Variants in FAM120A observed in about 807,000 individuals in gnomAD.
FAM120A encodes constitutive coactivator of PPAR-gamma-like protein 1.
FAM120A carries 15 observed loss-of-function variants against 109.7 expected under a neutral mutation model. That is an observed-to-expected ratio of 0.14 (90% CI 0.09 to 0.21). The LOEUF is 0.21. Among genes scored for constraint, FAM120A ranks in the 10% least tolerant of loss-of-function variants. The probability of loss-of-function intolerance (pLI) is 1.00; values close to 1 mark genes in which losing one functional copy is unlikely to be tolerated. For missense variants in FAM120A, 899 were observed against 1,439.3 expected, an observed-to-expected ratio of 0.62 and a Z score of 6.07; for synonymous variants, 493 against 572.8, an observed-to-expected ratio of 0.86 and a Z score of 1.99.
chr9:93,531,144 GA>G (rs1265077418), intron 9 of FAM120A: 1 of 152,186 alleles, frequency 6.6e-6, no homozygotes, highest in East Asian at 1.9e-4. Context: ...GTAATGAAGA[GA>G]ATTTGCAAAG....
chr9:93,517,548 G>C (rs1304018865), intron 7 of FAM120A, among the ~76,000 whole-genome samples: 1 of 152,178 alleles, frequency 6.6e-6, no homozygotes, highest in Non-Finnish European at 1.5e-5. Flanking sequence ...GTTGTAAAAC[G>C]TGACTCATGT....
intron 1 of FAM120A, among the ~76,000 whole-genome samples, chr9:93,462,059 A>G (rs1857817211): frequency 6.6e-6 from 1 of 152,228 alleles, no homozygotes. Context: ...TGGCAGATAC[A>G]AACTATTACA....
chr9:93,494,527 G>A (rs903928998), intron 3 of FAM120A, among the ~76,000 whole-genome samples: 12 of 152,148 alleles, frequency 7.9e-5, no homozygotes, highest in Non-Finnish European at 1.6e-4. Flanking sequence ...TACTGTCTTT[G>A]CCTGCTCCGG....
rs1564361726 is a variant in FAM120A, at chr9:93,558,497, G to A, written c.2669-84G>A. ...CCTCCATGGCAGCTGGAGGAGGCAG[G>A]GGCCACTCTGCCTGAATACCCAGCA... On this transcript the variant is annotated intron_variant, in intron 14 of 17. Transcript: ENST00000277165. 4 of 1,519,448 alleles carry A rather than the reference G, an allele frequency of 2.6e-6. No individual in the cohort carries two copies. The East Asian group carries it at 6.8e-5, about 26-fold the overall frequency. The allele number at this position is 1,519,448 out of a possible 1,614,324, so 94.1% of individuals were successfully genotyped here.
At chr9:93,497,351 A>G (rs1378971205) in intron 3 of FAM120A, 120 bp from the exon 4 acceptor site, 10 of 1,273,084 alleles carry the variant, frequency 7.9e-6, no homozygotes, top group Non-Finnish European at 1.1e-5. Flanking sequence ...GTGGACAATC[A>G]TTGGGCACTG....
intron 1 of FAM120A, among the ~76,000 whole-genome samples, chr9:93,458,978 C>G (rs1857672588): frequency 6.6e-6 from 1 of 152,190 alleles, no homozygotes; most frequent in Non-Finnish European, 1.5e-5. Flanking sequence ...GTTCCCAACC[C>G]AACTGGTCAC....
chr9:93,492,731 G>A (rs975265875), intron 3 of FAM120A, among the ~76,000 whole-genome samples: 1 of 152,196 alleles, frequency 6.6e-6, no homozygotes, highest in African/African-American at 2.4e-5. Flanking sequence ...AACGGCCGGT[G>A]TTTTCGGACC....
chr9:93,562,622 G>C (rs1862506487), intron 17 of FAM120A, among the ~76,000 whole-genome samples: 1 of 151,904 alleles, frequency 6.6e-6, no homozygotes. Flanking sequence ...GACAGAGCTG[G>C]AACAGCCACT....
chr9:93,482,004 C>T (rs533124787), intron 3 of FAM120A, among the ~76,000 whole-genome samples: 1 of 152,232 alleles, frequency 6.6e-6, no homozygotes, highest in East Asian at 1.9e-4. Context: ...TAGGAGCTCC[C>T]TCTAATTCCT....
intron 7 of FAM120A, among the ~76,000 whole-genome samples, chr9:93,526,150 G>C (rs1861072422): frequency 6.6e-6 from 1 of 152,204 alleles, no homozygotes. Flanking sequence ...GTCGAAGGGT[G>C]AGTGCACGGA....
At chr9:93,511,338 G>C (rs970612136) in intron 5 of FAM120A, among the ~76,000 whole-genome samples, 4 of 152,236 alleles carry the variant, frequency 2.6e-5, no homozygotes, top group African/African-American at 9.6e-5. Context: ...CTTTGGGCCA[G>C]CATCAGCTGC....
intron 12 of FAM120A, among the ~76,000 whole-genome samples, chr9:93,551,511 GTTTTA>G (rs1862097209): frequency 6.6e-6 from 1 of 151,844 alleles, no homozygotes. Context: ...TTCTTGTTTT[GTTTTA>G]TTTTGTTTTG....
chr9:93,560,945 T>C (rs895828833), intron 15 of FAM120A, among the ~76,000 whole-genome samples, 164 bp from the exon 16 acceptor site: 5 of 152,260 alleles, frequency 3.3e-5, no homozygotes, highest in African/African-American at 4.8e-5. Flanking sequence ...TCAAACAGTG[T>C]GCACATAGAT....
chr9:93,497,435 A>G, intron 3 of FAM120A, 36 bp from the exon 4 acceptor site: 2 of 1,608,830 alleles, frequency 1.2e-6, no homozygotes, highest in Non-Finnish European at 1.7e-6. Context: ...CTGGTTGCTC[A>G]CCATCCACTG....
At chr9:93,453,087 C>G in intron 1 of FAM120A, 1 of 1,063,602 alleles carries the variant, frequency 9.4e-7, no homozygotes, top group Non-Finnish European at 1.1e-6. Flanking sequence ...TGTGACTTCA[C>G]GTCCGTGTGA....
intron 12 of FAM120A, among the ~76,000 whole-genome samples, chr9:93,552,419 C>G (rs1356939296): frequency 6.6e-6 from 1 of 152,122 alleles, no homozygotes; most frequent in African/African-American, 2.4e-5. Flanking sequence ...TCTGACTCAT[C>G]GATCCTCTGG....
At chr9:93,460,729 C>T (rs1001644290) in intron 1 of FAM120A, among the ~76,000 whole-genome samples, 3 of 152,174 alleles carry the variant, frequency 2.0e-5, no homozygotes, top group Non-Finnish European at 2.9e-5. Context: ...GTGTGTAGTA[C>T]ATGCTCAGAA....
chr9:93,557,897 G>A lies in FAM120A; in HGVS notation c.2555G>A (p.Ser852Asn), dbSNP rs754536424. ...GAGGGGCTCAGCTTCTCCAGGCAGA[G>A]CCACACGCTCCCTTTCCCGCCGCCA... is the stretch of plus-strand genomic sequence containing the variant. Reference protein sequence around the residue: ...VLEGLSFSRQSHTLPFPPPPA... With the variant: ...VLEGLSFSRQNHTLPFPPPPA... The change falls in exon 14 of 18, where the codon AGC becomes AAC. Residue 852 changes from serine to asparagine, a missense_variant. Physicochemically the swap from Ser to Asn is conservative, Grantham distance 46. Transcript: ENST00000277165. 1 of 1,612,968 alleles carries A rather than the reference G, an allele frequency of 6.2e-7. No individual in the cohort carries two copies. The highest frequency in any genetic ancestry group is 2.2e-5 in the East Asian group (1 of 44,876).
At position 93,497,611 on chromosome 9, in the gene FAM120A, A is replaced by AAG; in HGVS notation, c.933+13_933+14insGA. The AAG allele has an allele frequency of 6.3e-7, 1 of 1,589,898 alleles. No homozygotes were observed. On this transcript the variant is annotated intron_variant, in intron 4 of 17. Coordinates refer to ENST00000277165, the MANE Select transcript of FAM120A (RefSeq NM_014612.5). ...TCCAGCATTCACAGGTAAAAAAAAA[A>AAG]ACAAACAAAACAAAAAAACAGATTC...
Sources: gnomAD v4.1 joint callset for allele counts (sites outside exome capture counted in the v4.1 genomes callset) on GRCh38, gnomAD v4.1.1 for gene constraint, MANE v1.5 for transcripts, NCBI Gene and HGNC (gene_info 2026-07-23, HGNC 2026-07-21) for gene names.